The following MAST1 variants were observed in gnomAD, a reference collection of about 807,000 sequenced individuals.
MAST1 encodes microtubule-associated serine/threonine-protein kinase 1.
A neutral mutation model predicts 124.6 loss-of-function variants in MAST1; 40 were observed. The ratio of observed to expected loss-of-function variants is 0.32; its 90% CI spans 0.25 to 0.42. MAST1 has a LOEUF of 0.42. Among genes scored for constraint, MAST1 ranks in the 10% least tolerant of loss-of-function variants. MAST1 has a pLI of 1.00. For synonymous variants in MAST1, 938 were observed against 939.4 expected (o/e 1.00, Z 0.03); for missense variants, 1,558 against 2,181.9 (o/e 0.71, Z 5.70).
chr19:12,872,905 CAAA>C (rs907074663), intron 24 of MAST1, among the ~76,000 whole-genome samples: 3 of 81,282 alleles, frequency 3.7e-5, no homozygotes, highest in Admixed American at 1.3e-4. Flanking sequence ...AACTTCGTCT[CAAA>C]AAAAAAAAAA....
intron 8 of MAST1, 25 bp downstream of exon 8, chr19:12,852,060 G>A: frequency 6.2e-7 from 1 of 1,613,912 alleles, no homozygotes; most frequent in Non-Finnish European, 8.5e-7. Context: ...CATGGGTAGG[G>A]GTGGGTTGGT....
At chr19:12,842,373 A>G (rs1233649464) in intron 3 of MAST1, among the ~76,000 whole-genome samples, 2 of 151,186 alleles carry the variant, frequency 1.3e-5, no homozygotes, top group Non-Finnish European at 1.5e-5. Flanking sequence ...GCTCACTGCA[A>G]TTTCCGCCTT....
At position 12,866,566 on chromosome 19, in the gene MAST1, C is replaced by T. The variant is rs927504049; in HGVS notation, c.2030-87C>T. On this transcript the variant is annotated intron_variant, in intron 17 of 25. Transcript: ENST00000251472. This position sits in a 1 kb window ranked among gnomAD's most constrained non-coding sequence, Gnocchi z 5.2. ...GGCCTGACCTGAAGACTTGTAAACC[C>T]GTCTTGAACCAGGACTGGGCTCCTG... The T allele has an allele frequency of 5.9e-6, 5 of 843,198 alleles. No homozygotes were observed. The highest frequency in any genetic ancestry group is 1.5e-5 in the South Asian group (1 of 66,396). The allele number at this position is 843,198 out of a possible 1,614,324, so 52.2% of individuals were successfully genotyped here. A position where few individuals can be genotyped will look rare whatever the true frequency, so the allele number is the denominator to read the frequency against.
rs905291511 is a variant in MAST1, at chr19:12,868,779, G to A, written c.2703G>A (p.Arg901=). 8.7e-6 allele frequency: 14 copies of A among 1,610,060 alleles called. No homozygotes were observed. The highest frequency in any genetic ancestry group is 2.7e-5 in the African/African-American group (2 of 74,866). The stretch of plus-strand genomic sequence containing the variant: ...CAGGGGATGTGGCAGTAGAGAAGAG[G>A]CCTTCTCGAACTGGGGGCAAAGTCA... ...QMSGDVAVEK[R]PSRTGGKVIK... Residue 901 remains arginine (R), a synonymous_variant, in exon 21 of 26, where the codon AGG becomes AGA. Coordinates refer to ENST00000251472, the MANE Select transcript of MAST1 (RefSeq NM_014975.3).
chr19:12,864,690 G>T, intron 12 of MAST1, 119 bp from the exon 13 acceptor site: 1 of 1,341,742 alleles, frequency 7.5e-7, no homozygotes, highest in Admixed American at 2.0e-5. Context: ...CCCTCTCAGA[G>T]CCTCAGTTTC....
intron 10 of MAST1, among the ~76,000 whole-genome samples, chr19:12,854,814 G>A (rs1970000869): frequency 6.6e-6 from 1 of 152,188 alleles, no homozygotes; most frequent in Non-Finnish European, 1.5e-5. Context: ...TGGCAGCTCA[G>A]CATGGGGAAA....
At chr19:12,861,413 T>C (rs1037778696) in intron 12 of MAST1, among the ~76,000 whole-genome samples, 3 of 152,014 alleles carry the variant, frequency 2.0e-5, no homozygotes, top group African/African-American at 7.2e-5. Flanking sequence ...GAGGAGGTGA[T>C]GGGGAGGCAG....
At position 12,841,150 on chromosome 19, in the gene MAST1, A is replaced by C; in HGVS notation, c.248+84A>C. ...TGGGCCGCCATCTGTTCTCCTCCTA[A>C]TTGCACCCGAGCTGGGGCCTGAGGG... On this transcript the variant is annotated intron_variant, in intron 3 of 25. Transcript: ENST00000251472. The surrounding 1 kb of genome is among the most constrained non-coding windows in gnomAD (Gnocchi z 4.3). 1.4e-6 allele frequency: 1 copy of C among 729,116 alleles called. No homozygotes were observed. Among genetic ancestry groups the C allele is most frequent in the Non-Finnish European group, 2.5e-6 (1 of 404,026 alleles). 45.2% of individuals were successfully genotyped at this position (729,116 alleles called of 1,614,324 possible). A position where few individuals can be genotyped will look rare whatever the true frequency, so the allele number is the denominator to read the frequency against.
At chr19:12,856,291 T>A (rs930963920) in intron 10 of MAST1, among the ~76,000 whole-genome samples, 2 of 151,854 alleles carry the variant, frequency 1.3e-5, no homozygotes, top group Admixed American at 6.6e-5. Context: ...GATTACATAG[T>A]TTTATTTTGC....
At position 12,874,787 on chromosome 19, in the gene MAST1, A is replaced by G. The variant is rs770841552; in HGVS notation, c.4630A>G (p.Thr1544Ala). The change falls in exon 26 of 26, where the codon ACC (threonine) becomes GCC (alanine). Residue 1544 changes from threonine to alanine, a missense_variant. Thr to Ala is a moderately conservative substitution (Grantham distance 58). Coordinates refer to ENST00000251472, the MANE Select transcript of MAST1 (RefSeq NM_014975.3). The surrounding 1 kb of genome is among the most constrained non-coding windows in gnomAD (Gnocchi z 6.6). ...GSGTKPQVGL[T>A]SRCPAEAVPP... ...AGGCACCAAGCCTCAAGTGGGGCTGACCTCCCGGTGCCCTGCTGAAGCTGT... is the reference window on the plus strand; with the variant it reads ...AGGCACCAAGCCTCAAGTGGGGCTGGCCTCCCGGTGCCCTGCTGAAGCTGT... 15 of 1,602,380 alleles carry G rather than the reference A, an allele frequency of 9.4e-6. No homozygotes were observed. The highest frequency in any genetic ancestry group is 6.8e-6 in the Non-Finnish European group (8 of 1,172,174).
At position 12,865,202 on chromosome 19, in the gene MAST1, G is replaced by A. The variant is rs368733907; in HGVS notation, c.1638+24G>A. ...AGGTGTGTGTGCGGGCATGGGGGTC[G>A]CTGAGGGTGGAGTGACCCTGCAGGA... On this transcript the variant is annotated intron_variant, in intron 14 of 25. Transcript: ENST00000251472. The surrounding 1 kb of genome is among the most constrained non-coding windows in gnomAD (Gnocchi z 7.1). 3.1e-6 allele frequency: 5 copies of A among 1,610,244 alleles called. No individual in the cohort carries two copies. Among genetic ancestry groups the A allele is most frequent in the South Asian group, 2.2e-5 (2 of 90,524 alleles).
chr19:12,873,694 G>C lies in MAST1; in HGVS notation c.3537G>C (p.Thr1179=), dbSNP rs1414677217. Residue 1179 remains threonine, a synonymous_variant, in exon 26 of 26, where the codon ACG becomes ACC. Transcript: ENST00000251472. ...SSASHHIRPS[T]LHGLSPKLHR... The stretch of plus-strand genomic sequence containing the variant: ...CGTCGCACCACATTCGGCCCAGCAC[G>C]CTGCACGGACTGTCGCCAAAGCTCC... 2.5e-6 allele frequency: 4 copies of C among 1,601,772 alleles called. No individual in the cohort carries two copies. The highest frequency in any genetic ancestry group is 3.4e-6 in the Non-Finnish European group (4 of 1,178,650).
chr19:12,845,558 T>C (rs1487786774), intron 4 of MAST1, among the ~76,000 whole-genome samples: 1 of 150,420 alleles, frequency 6.6e-6, no homozygotes, highest in African/African-American at 2.5e-5. Context: ...CACTCCAGCC[T>C]GGGGGAGAGA....
Position 12,841,072 on chromosome 19 carries a change from TC to T in MAST1, c.248+9del. 2 of 1,476,754 alleles carry T rather than the reference TC, an allele frequency of 1.4e-6. No individual in the cohort carries two copies. The highest frequency in any genetic ancestry group is 1.9e-6 in the Non-Finnish European group (2 of 1,054,986). The allele number at this position is 1,476,754 out of a possible 1,614,324, so 91.5% of individuals were successfully genotyped here. On this transcript the variant is annotated splice_region_variant and intron_variant, in intron 3 of 25. Transcript: ENST00000251472. The surrounding 1 kb of genome is among the most constrained non-coding windows in gnomAD (Gnocchi z 4.3). ...TCGTTTGCCTCCTCCCGAAGGTGAG[TC>T]CCTCCCCTCCAGGGCCCCAGAACCC...
intron 24 of MAST1, 44 bp downstream of exon 24, chr19:12,871,216 A>G: frequency 6.2e-7 from 1 of 1,611,656 alleles, no homozygotes; most frequent in Non-Finnish European, 8.5e-7. Context: ...CAGTGGGTGG[A>G]ACTTAGGCGG....
In MAST1 at chr19:12,847,230, G is replaced by T; in HGVS notation, c.328-60G>T. ...ATCGGCTTTGGGAGTCCCAGCTCAGGGTCCTGAGCTGTTGGGGGGCCCATG... is the reference window on the plus strand; with the variant it reads ...ATCGGCTTTGGGAGTCCCAGCTCAGTGTCCTGAGCTGTTGGGGGGCCCATG... On this transcript the variant is annotated intron_variant, in intron 4 of 25. Coordinates refer to ENST00000251472, the MANE Select transcript of MAST1 (RefSeq NM_014975.3). The surrounding 1 kb of genome is among the most constrained non-coding windows in gnomAD (Gnocchi z 5.5). 1 of 1,166,196 alleles carries T rather than the reference G, an allele frequency of 8.6e-7. No homozygotes were observed. The highest frequency in any genetic ancestry group is 1.5e-5 in the African/African-American group (1 of 65,038). The allele number at this position is 1,166,196 out of a possible 1,614,324, so 72.2% of individuals were successfully genotyped here. A position where few individuals can be genotyped will look rare whatever the true frequency, so the allele number is the denominator to read the frequency against.
At position 12,865,447 on chromosome 19, in the gene MAST1, C is replaced by A; in HGVS notation, c.1770C>A (p.Asp590Glu). The change falls in exon 15 of 26, where the codon GAC becomes GAA. Residue 590 changes from aspartate to glutamate, a missense_variant. Coordinates refer to ENST00000251472, the MANE Select transcript of MAST1 (RefSeq NM_014975.3). This position sits in a 1 kb window ranked among gnomAD's most constrained non-coding sequence, Gnocchi z 7.1. The stretch of plus-strand genomic sequence containing the variant: ...TGGGCTGTGTGCCCTTCTTCGGAGA[C>A]ACACCAGAGGAGCTATTTGGACAGG... Reference protein sequence around the residue: ...FLVGCVPFFGDTPEELFGQVI... With the variant: ...FLVGCVPFFGETPEELFGQVI... 1 of 1,601,550 alleles carries A rather than the reference C, an allele frequency of 6.2e-7. No individual in the cohort carries two copies. Among genetic ancestry groups the A allele is most frequent in the Non-Finnish European group, 8.5e-7 (1 of 1,173,974 alleles).
At chr19:12,862,295 G>A (rs1179042115) in intron 12 of MAST1, among the ~76,000 whole-genome samples, 3 of 152,038 alleles carry the variant, frequency 2.0e-5, no homozygotes, top group Non-Finnish European at 4.4e-5. Flanking sequence ...GTGAATCACT[G>A]CGCCCAGCCT....
intron 10 of MAST1, among the ~76,000 whole-genome samples, chr19:12,855,408 G>A (rs1398951945): frequency 3.9e-5 from 6 of 151,956 alleles, no homozygotes; most frequent in Non-Finnish European, 8.8e-5. Flanking sequence ...GATTGCTTGA[G>A]CCCAGGAGTT....
Sources: gnomAD v4.1 joint callset for allele counts (sites outside exome capture counted in the v4.1 genomes callset) on GRCh38, gnomAD v4.1.1 for gene constraint, Gnocchi (gnomAD v3.1) non-coding constraint, MANE v1.5 for transcripts, NCBI Gene and HGNC (gene_info 2026-07-23, HGNC 2026-07-21) for gene names.